FYN: variants seen among roughly 807,000 people sequenced by gnomAD.
The protein encoded by FYN is FYN proto-oncogene, Src family tyrosine kinase, also known as tyrosine-protein kinase Fyn.
A neutral mutation model predicts 70.2 loss-of-function variants in FYN; 10 were observed. That is an observed-to-expected ratio of 0.14 (90% CI 0.09 to 0.24). FYN has a LOEUF of 0.24. Ranked by LOEUF, FYN falls within the 10% of genes least tolerant of loss-of-function variation. The pLI is 1.00. For missense variants in FYN, 319 were observed against 673.1 expected, an observed-to-expected ratio of 0.47 and a Z score of 5.82; for synonymous variants, 236 against 248.6, an observed-to-expected ratio of 0.95 and a Z score of 0.48.
chr6:111,834,739 C>T (rs1264334790), intron 2 of FYN, among the ~76,000 whole-genome samples: 2 of 152,184 alleles, frequency 1.3e-5, no homozygotes, highest in South Asian at 2.1e-4. Context: ...CTAGGTCTCC[C>T]ACCCACAAGC....
At chr6:111,850,979 T>G (rs147367110) in intron 1 of FYN, among the ~76,000 whole-genome samples, 12 of 152,372 alleles carry the variant, frequency 7.9e-5, no homozygotes, top group African/African-American at 2.4e-4. Context: ...TCCTGTGTCT[T>G]GCTCCACACA....
At chr6:111,706,303 T>C (rs1195830993) in intron 6 of FYN, among the ~76,000 whole-genome samples, 1 of 152,234 alleles carries the variant, frequency 6.6e-6, no homozygotes, top group Non-Finnish European at 1.5e-5. Context: ...ATTTTTAGAA[T>C]ATTTAACTGT....
At chr6:111,686,231 C>T (rs1289486381) in intron 12 of FYN, among the ~76,000 whole-genome samples, 1 of 152,106 alleles carries the variant, frequency 6.6e-6, no homozygotes, top group East Asian at 1.9e-4. Flanking sequence ...GCCGTCCCTC[C>T]CAGAAACGAG....
intron 9 of FYN, 164 bp downstream of exon 9, chr6:111,699,937 TTAG>T: frequency 2.0e-6 from 1 of 490,706 alleles, no homozygotes; most frequent in Non-Finnish European, 3.2e-6. Flanking sequence ...TTTTTTTTTT[TTAG>T]GAATTCCAGA....
intron 1 of FYN, among the ~76,000 whole-genome samples, chr6:111,847,230 C>A (rs1377311923): frequency 6.6e-6 from 1 of 152,192 alleles, no homozygotes; most frequent in African/African-American, 2.4e-5. Context: ...CCCGGGACTA[C>A]CTTAGAACCT....
rs545006642 is a variant in FYN, at chr6:111,847,714, C to T, written c.-122-1085G>A. ...ACTGTTTGGAAAGATGTATAATTAA[C>T]AGTAACATCTTTGTTTTGTTTAATC... On this transcript the variant is annotated intron_variant, in intron 1 of 13. Transcript: ENST00000354650. 2.3e-4 allele frequency among the ~76,000 whole-genome samples: 35 copies of T among 152,264 alleles called. No individual in the cohort carries two copies. In the South Asian group the frequency reaches 6.0e-3, roughly 26 times the overall value.
chr6:111,761,818 T>A (rs1803019659), intron 3 of FYN, among the ~76,000 whole-genome samples: 1 of 152,148 alleles, frequency 6.6e-6, no homozygotes, highest in African/African-American at 2.4e-5. Context: ...GCTAGCTGCT[T>A]GCCCAGGGTC....
chr6:111,734,349 G>A (rs1801606872), intron 3 of FYN, among the ~76,000 whole-genome samples: 1 of 152,142 alleles, frequency 6.6e-6, no homozygotes, highest in Non-Finnish European at 1.5e-5. Context: ...GCCTTGAGAA[G>A]GTACATTATG....
intron 5 of FYN, among the ~76,000 whole-genome samples, chr6:111,708,756 G>A (rs977290473): frequency 3.9e-5 from 6 of 152,174 alleles, no homozygotes; most frequent in Non-Finnish European, 4.4e-5. Flanking sequence ...ACAGAAACTC[G>A]GCAAGGGAGT....
intron 12 of FYN, among the ~76,000 whole-genome samples, chr6:111,693,314 C>G (rs997493687): frequency 1.3e-5 from 2 of 152,168 alleles, no homozygotes; most frequent in Non-Finnish European, 2.9e-5. Context: ...CCCTGTAATA[C>G]ATTCCAGTCA....
chr6:111,814,443 T>C (rs1389371346), intron 2 of FYN, among the ~76,000 whole-genome samples: 1 of 152,142 alleles, frequency 6.6e-6, no homozygotes, highest in Non-Finnish European at 1.5e-5. Flanking sequence ...TTCTGGAATT[T>C]CCTAGAAGAA....
chr6:111,789,857 A>G (rs1284193666), intron 2 of FYN, among the ~76,000 whole-genome samples: 1 of 152,100 alleles, frequency 6.6e-6, no homozygotes, highest in Non-Finnish European at 1.5e-5. Context: ...CTCTCTTCCA[A>G]CCGGATTACT....
At chr6:111,719,612 T>C in intron 4 of FYN, 193 bp downstream of exon 4, 1 of 644,650 alleles carries the variant, frequency 1.6e-6, no homozygotes, top group Non-Finnish European at 2.6e-6. Context: ...CTTGCAACCC[T>C]GTAGCCAAGC....
chr6:111,798,786 T>C (rs1410445273), intron 2 of FYN, among the ~76,000 whole-genome samples: 6 of 152,210 alleles, frequency 3.9e-5, no homozygotes, highest in Admixed American at 3.3e-4. Context: ...ACAAAAAGCG[T>C]TCTGGGCTTG....
intron 3 of FYN, chr6:111,754,819 G>GTA (rs1404737964): frequency 6.6e-6 from 1 of 152,096 alleles, no homozygotes; most frequent in Non-Finnish European, 1.5e-5. Context: ...CTGAGTGTGT[G>GTA]TGTATAATCT....
intron 12 of FYN, among the ~76,000 whole-genome samples, chr6:111,686,016 A>T (rs2128422740): frequency 6.6e-6 from 1 of 152,306 alleles, no homozygotes; most frequent in East Asian, 1.9e-4. Flanking sequence ...AAACAGTTTT[A>T]ATCTTTAAAG....
chr6:111,727,402 A>C (rs1440951704), intron 3 of FYN, among the ~76,000 whole-genome samples: 1 of 152,208 alleles, frequency 6.6e-6, no homozygotes, highest in Non-Finnish European at 1.5e-5. Context: ...TTTACAGGCA[A>C]AACTTTCTGG....
chr6:111,689,722 A>G (rs539190245), intron 12 of FYN, among the ~76,000 whole-genome samples: 22 of 152,312 alleles, frequency 1.4e-4, no homozygotes, highest in Middle Eastern at 3.4e-3. Flanking sequence ...TTTACAGGCA[A>G]AACTTACCAA....
At chr6:111,819,968 C>T (rs886703487) in intron 2 of FYN, 9 of 152,188 alleles carry the variant, frequency 5.9e-5, no homozygotes, top group African/African-American at 2.2e-4. Context: ...ACAAAAACAG[C>T]TTAAGAATAA....
Sources: gnomAD v4.1 joint callset for allele counts (sites outside exome capture counted in the v4.1 genomes callset) on GRCh38, gnomAD v4.1.1 for gene constraint, MANE v1.5 for transcripts, NCBI Gene and HGNC (gene_info 2026-07-23, HGNC 2026-07-21) for gene names.